The following TBC1D1 variants were observed in gnomAD, a reference collection of about 807,000 sequenced individuals.
TBC1D1 encodes TBC1 (tre-2/USP6, BUB2, cdc16) domain family, member 1.
A neutral mutation model predicts 125.6 loss-of-function variants in TBC1D1; 89 were observed. The ratio of observed to expected loss-of-function variants is 0.71; its 90% confidence interval spans 0.60 to 0.85. The LOEUF (loss-of-function observed/expected upper bound fraction) is 0.85. Ranked by LOEUF, TBC1D1 falls within the 40% of genes least tolerant of loss-of-function variation. The pLI is 0.00. For missense variants in TBC1D1, 1,377 were observed against 1,469.2 expected (o/e 0.94, Z 1.03); for synonymous variants, 565 against 564.1 (o/e 1.00, Z -0.02).
At chr4:37,982,163 GCCCA>G (rs1734453517) in intron 2 of TBC1D1, among the ~76,000 whole-genome samples, 1 of 152,200 alleles carries the variant, frequency 6.6e-6, no homozygotes, top group Non-Finnish European at 1.5e-5. Context: ...GACTAGACCA[GCCCA>G]CCTTGGGTGC....
intron 15 of TBC1D1, among the ~76,000 whole-genome samples, chr4:38,105,014 C>G (rs1384241384): frequency 6.6e-6 from 1 of 152,252 alleles, no homozygotes; most frequent in African/African-American, 2.4e-5. Context: ...CTTGGCCTCT[C>G]AAAGTGCTGG....
intron 2 of TBC1D1, among the ~76,000 whole-genome samples, chr4:37,983,358 C>A (rs1734779650): frequency 6.6e-6 from 1 of 152,132 alleles, no homozygotes; most frequent in Non-Finnish European, 1.5e-5. Flanking sequence ...CGTGATCTAC[C>A]TGCCTCGGCC....
chr4:37,991,719 A>G (rs1394566399), intron 2 of TBC1D1, among the ~76,000 whole-genome samples: 1 of 152,102 alleles, frequency 6.6e-6, no homozygotes, highest in Non-Finnish European at 1.5e-5. Flanking sequence ...AAATAAAAGC[A>G]AATCATAGGG....
In TBC1D1 at chr4:38,133,096, G is replaced by T; in HGVS notation, c.3145G>T (p.Asp1049Tyr). 1 of 1,610,788 alleles carries T rather than the reference G, an allele frequency of 6.2e-7. No homozygotes were observed. The highest frequency in any genetic ancestry group is 1.1e-5 in the South Asian group (1 of 90,226). The stretch of plus-strand genomic sequence containing the variant: ...CTTTCTATAACAGGTATTTGAAATG[G>T]ACATCGCTAAACAGTTACAAGCTTA... The change falls in exon 19 of 20, where the codon GAC becomes TAC. Residue 1049 changes from aspartate to tyrosine, a missense_variant. Asp to Tyr is a radical substitution (Grantham distance 160). Coordinates refer to ENST00000261439, the MANE Select transcript of TBC1D1 (RefSeq NM_015173.4).
chr4:38,104,015 C>T (rs1242513495), intron 15 of TBC1D1, among the ~76,000 whole-genome samples: 1 of 151,824 alleles, frequency 6.6e-6, no homozygotes, highest in Non-Finnish European at 1.5e-5. Flanking sequence ...AAAAAATTAG[C>T]CAGGCATGGT....
chr4:37,949,691 A>C (rs1206236497), intron 2 of TBC1D1, among the ~76,000 whole-genome samples: 1 of 152,204 alleles, frequency 6.6e-6, no homozygotes, highest in East Asian at 1.9e-4. Flanking sequence ...GAGGTCAGCA[A>C]ACTTTTGCTC....
chr4:37,940,501 T>G (rs1320766451), intron 2 of TBC1D1, among the ~76,000 whole-genome samples: 1 of 152,208 alleles, frequency 6.6e-6, no homozygotes, highest in Non-Finnish European at 1.5e-5. Context: ...TTTTCCTAAT[T>G]GAATACCCTT....
intron 8 of TBC1D1, among the ~76,000 whole-genome samples, chr4:38,041,533 G>GT (rs1348625047): frequency 1.3e-5 from 2 of 152,216 alleles, no homozygotes; most frequent in East Asian, 3.9e-4. Context: ...AGCCTCCTTT[G>GT]TAAGAGCAAG....
chr4:38,108,227 G>T (rs899630694), intron 15 of TBC1D1, among the ~76,000 whole-genome samples: 1 of 152,142 alleles, frequency 6.6e-6, no homozygotes, highest in South Asian at 2.1e-4. Context: ...GGAAACTCCT[G>T]AGGGACCCCC....
chr4:38,114,102 C>G (rs1313870882), intron 15 of TBC1D1, among the ~76,000 whole-genome samples: 1 of 152,090 alleles, frequency 6.6e-6, no homozygotes, highest in African/African-American at 2.4e-5. Context: ...CCCCAGGAGC[C>G]CCTGCTTCTG....
At chr4:37,961,206 C>G (rs1431227839) in intron 2 of TBC1D1, 1 of 746,744 alleles carries the variant, frequency 1.3e-6, no homozygotes, top group Non-Finnish European at 2.1e-6. Context: ...ACAGCCCGTA[C>G]TCTTTGGGGA....
chr4:37,992,361 C>T (rs907227900), intron 2 of TBC1D1, among the ~76,000 whole-genome samples: 3 of 152,108 alleles, frequency 2.0e-5, no homozygotes, highest in African/African-American at 7.2e-5. Flanking sequence ...GAGCAGAAGC[C>T]ACTTACCAGG....
chr4:38,077,564 A>G (rs916434363), intron 12 of TBC1D1, among the ~76,000 whole-genome samples: 1 of 151,912 alleles, frequency 6.6e-6, no homozygotes, highest in African/African-American at 2.4e-5. Context: ...AAATCTGCCC[A>G]TCTATATTAT....
At chr4:37,985,942 G>A (rs1030961427) in intron 2 of TBC1D1, among the ~76,000 whole-genome samples, 2 of 150,176 alleles carry the variant, frequency 1.3e-5, no homozygotes, top group African/African-American at 4.9e-5. Context: ...AAGGAATAGT[G>A]AGGAAATACT....
intron 17 of TBC1D1, among the ~76,000 whole-genome samples, chr4:38,123,007 A>G (rs1764103050): frequency 6.6e-6 from 1 of 152,190 alleles, no homozygotes; most frequent in Non-Finnish European, 1.5e-5. Context: ...CCAAGATCCT[A>G]ATAAATCTCA....
chr4:38,098,729 AT>A (rs1310449317), intron 14 of TBC1D1, among the ~76,000 whole-genome samples: 1 of 152,230 alleles, frequency 6.6e-6, no homozygotes, highest in Non-Finnish European at 1.5e-5. Context: ...GAATCAAAAA[AT>A]TTGAGCCTAA....
rs187617463 is a variant in TBC1D1, at chr4:38,038,670, G to A, written c.1413+2972G>A. 3.9e-3 allele frequency among the ~76,000 whole-genome samples: 598 copies of A among 152,196 alleles called. 2 individuals carry two copies. The highest frequency in any genetic ancestry group is 0.013 in the African/African-American group (536 of 41,522). Reference sequence around the variant, plus strand: ...AGATATAGAATATTTTCATCCTGCCGGGCGCAGTGGCTCACGCCTGTAATC... The same window carrying A: ...AGATATAGAATATTTTCATCCTGCCAGGCGCAGTGGCTCACGCCTGTAATC... On this transcript the variant is annotated intron_variant, in intron 8 of 19. Transcript: ENST00000261439.
intron 8 of TBC1D1, among the ~76,000 whole-genome samples, chr4:38,042,421 A>G (rs1748581948): frequency 6.6e-6 from 1 of 151,124 alleles, no homozygotes; most frequent in Non-Finnish European, 1.5e-5. Flanking sequence ...CACCTGGCTA[A>G]TTTTTATATT....
intron 5 of TBC1D1, 45 bp downstream of exon 5, chr4:38,020,740 G>A: frequency 6.4e-7 from 1 of 1,552,494 alleles, no homozygotes; most frequent in Non-Finnish European, 8.9e-7. Flanking sequence ...TTCTTTACAA[G>A]GAATTTTAGC....
Sources: gnomAD v4.1 joint callset for allele counts (sites outside exome capture counted in the v4.1 genomes callset) on GRCh38, gnomAD v4.1.1 for gene constraint, MANE v1.5 for transcripts, NCBI Gene and HGNC (gene_info 2026-07-23, HGNC 2026-07-21) for gene names.